The following LYPD6B variants were observed in gnomAD, a reference collection of about 807,000 sequenced individuals.
LYPD6B encodes the protein LY6/PLAUR domain containing 6B, also known as ly6/PLAUR domain-containing protein 6B.
Under a neutral mutation model 22.8 loss-of-function variants are expected in LYPD6B, and 17 were observed. The observed-to-expected ratio is 0.75, with a 90% CI of 0.51 to 1.12. The LOEUF (loss-of-function observed/expected upper bound fraction) is 1.12. LYPD6B is among the 50% of genes most tolerant of loss of function. The pLI is 0.00. For missense variants in LYPD6B, 221 were observed against 258.3 expected (o/e 0.86, Z 0.99); for synonymous variants, 106 against 91.6 (o/e 1.16, Z -0.90).
chr2:149,072,640 G>A (rs538385314), intron 1 of LYPD6B, among the ~76,000 whole-genome samples: 3 of 151,948 alleles, frequency 2.0e-5, no homozygotes, highest in East Asian at 3.9e-4. Context: ...AGGTTTAAGC[G>A]ATTCTTGTGC....
chr2:149,084,609 G>C (rs983524646), intron 1 of LYPD6B, among the ~76,000 whole-genome samples: 3 of 152,170 alleles, frequency 2.0e-5, no homozygotes, highest in Non-Finnish European at 2.9e-5. Flanking sequence ...TAGATGCCAG[G>C]TAGGCTTGTT....
intron 1 of LYPD6B, among the ~76,000 whole-genome samples, chr2:149,083,116 AG>A (rs375177646): frequency 0.016 from 2,413 of 152,278 alleles, 60 homozygotes; most frequent in African/African-American, 0.055. Context: ...AAAATGTCAC[AG>A]GGGGGCATAC....
Position 149,088,712 on chromosome 2 carries a change from A to G in LYPD6B, c.-66-42171A>G, listed in dbSNP as rs571249884. Among the ~76,000 whole-genome samples, 12 of 152,354 alleles carry G rather than the reference A, an allele frequency of 7.9e-5. No homozygotes were observed. In the South Asian group the frequency reaches 2.5e-3, roughly 32 times the overall value. ...ACATTCAATGAAATTTAAATGCAAT[A>G]ATAAGAGATTTAGTGGTAGGACCAT... On this transcript the variant is annotated intron_variant, in intron 1 of 6. Transcript: ENST00000409642.
chr2:149,181,844 C>A (rs1575134088), intron 3 of LYPD6B, among the ~76,000 whole-genome samples: 1 of 152,288 alleles, frequency 6.6e-6, no homozygotes, highest in African/African-American at 2.4e-5. Flanking sequence ...TCCTATTTTT[C>A]ATTCAACAAT....
chr2:149,143,212 G>A (rs1206409264), intron 2 of LYPD6B, among the ~76,000 whole-genome samples: 1 of 152,034 alleles, frequency 6.6e-6, no homozygotes, highest in Non-Finnish European at 1.5e-5. Context: ...TTATTTCCCA[G>A]CAAAGTTTAA....
In LYPD6B at chr2:149,130,935, T is replaced by C. The variant is rs1305368494; in HGVS notation, c.-14T>C. On this transcript the variant is annotated 5_prime_UTR_variant, in exon 2 of 7. Transcript: ENST00000409642. ...CAACCCTCCTGGACTAGGCTGCTCTTGTTAATCACATGGATGTTGTGAGTA... is the reference window on the plus strand; with the variant it reads ...CAACCCTCCTGGACTAGGCTGCTCTCGTTAATCACATGGATGTTGTGAGTA... The C allele has an allele frequency of 6.2e-7, 1 of 1,602,718 alleles. No homozygotes were observed. Among genetic ancestry groups the C allele is most frequent in the Non-Finnish European group, 8.5e-7 (1 of 1,169,838 alleles).
At chr2:149,158,202 G>A (rs1168820353) in intron 2 of LYPD6B, among the ~76,000 whole-genome samples, 1 of 152,072 alleles carries the variant, frequency 6.6e-6, no homozygotes, top group Non-Finnish European at 1.5e-5. Flanking sequence ...TGGTTCTTAA[G>A]AATGTAGCTA....
At chr2:149,041,882 C>T (rs962231052) in intron 1 of LYPD6B, among the ~76,000 whole-genome samples, 5 of 152,154 alleles carry the variant, frequency 3.3e-5, no homozygotes, top group Non-Finnish European at 7.3e-5. Context: ...CTGAGTTTTC[C>T]ATACTCCCAA....
chr2:149,213,078 T>C lies in LYPD6B; in HGVS notation c.415T>C (p.Cys139Arg), dbSNP rs1319016322. 1 of 1,613,856 alleles carries C rather than the reference T, an allele frequency of 6.2e-7. No homozygotes were observed. Among genetic ancestry groups the C allele is most frequent in the Non-Finnish European group, 8.5e-7 (1 of 1,179,868 alleles). ...ITKKCASRSE[C>R]HFVGCHHSRD... ...CAAAAAGTGTGCCTCCAGAAGTGAA[T>C]GTCATTTTGTCGGTTGCCACCACAG... The change falls in exon 6 of 7, where the codon TGT becomes CGT. Residue 139 changes from cysteine to arginine, a missense_variant. Coordinates refer to ENST00000409642, the MANE Select transcript of LYPD6B (RefSeq NM_177964.5).
At chr2:149,196,629 C>A (rs1318306089) in intron 3 of LYPD6B, among the ~76,000 whole-genome samples, 1 of 152,194 alleles carries the variant, frequency 6.6e-6, no homozygotes, top group Non-Finnish European at 1.5e-5. Flanking sequence ...GGAATACTGT[C>A]TCCTAAACAG....
intron 1 of LYPD6B, among the ~76,000 whole-genome samples, chr2:149,078,466 A>G (rs1057124054): frequency 2.0e-5 from 3 of 152,008 alleles, no homozygotes; most frequent in South Asian, 2.1e-4. Context: ...TAAATCAGTG[A>G]CCTTGGTTTT....
chr2:149,038,958 C>T, intron 1 of LYPD6B, among the ~76,000 whole-genome samples, 157 bp downstream of exon 1: 1 of 149,076 alleles, frequency 6.7e-6, no homozygotes, highest in South Asian at 2.1e-4. Flanking sequence ...GCCGCGGGGC[C>T]GCGGGGCCGC....
chr2:149,156,609 A>T (rs538453307), intron 2 of LYPD6B, among the ~76,000 whole-genome samples: 29 of 152,160 alleles, frequency 1.9e-4, no homozygotes, highest in African/African-American at 7.0e-4. Context: ...ATTTTCTTCC[A>T]TCTGTATGTA....
intron 1 of LYPD6B, among the ~76,000 whole-genome samples, chr2:149,093,224 C>A (rs974328740): frequency 6.6e-6 from 1 of 151,784 alleles, no homozygotes; most frequent in South Asian, 2.1e-4. Flanking sequence ...TTTTTGGCAA[C>A]GATCAAAGGA....
At chr2:149,147,350 G>A (rs1689089184) in intron 2 of LYPD6B, among the ~76,000 whole-genome samples, 1 of 152,208 alleles carries the variant, frequency 6.6e-6, no homozygotes, top group African/African-American at 2.4e-5. Context: ...CCAGAGGAGG[G>A]TATCTCTGAA....
At chr2:149,136,967 A>G (rs1354686531) in intron 2 of LYPD6B, among the ~76,000 whole-genome samples, 1 of 152,208 alleles carries the variant, frequency 6.6e-6, no homozygotes, top group Non-Finnish European at 1.5e-5. Flanking sequence ...AGCAACAATA[A>G]TTCTTCATTT....
intron 1 of LYPD6B, among the ~76,000 whole-genome samples, chr2:149,074,267 TGCAC>T (rs1398131874): frequency 2.4e-5 from 3 of 123,356 alleles, no homozygotes; most frequent in East Asian, 5.1e-4. Flanking sequence ...CACGCATGCA[TGCAC>T]ACACACACAC....
chr2:149,089,185 A>G (rs1257505141), intron 1 of LYPD6B, among the ~76,000 whole-genome samples: 1 of 152,248 alleles, frequency 6.6e-6, no homozygotes, highest in Non-Finnish European at 1.5e-5. Context: ...CATGTGGTGG[A>G]ACATGAAAGA....
intron 2 of LYPD6B, among the ~76,000 whole-genome samples, chr2:149,136,431 T>A: frequency 6.6e-6 from 1 of 152,258 alleles, no homozygotes. Flanking sequence ...ACTCCGAGTC[T>A]TCATTAGCTT....
Sources: gnomAD v4.1 joint callset for allele counts (sites outside exome capture counted in the v4.1 genomes callset) on GRCh38, gnomAD v4.1.1 for gene constraint, MANE v1.5 for transcripts, NCBI Gene and HGNC (gene_info 2026-07-23, HGNC 2026-07-21) for gene names.